Variants in NEO1 observed in about 807,000 individuals in gnomAD.
NEO1 encodes the protein neogenin.
NEO1 carries 63 observed loss-of-function variants against 159.7 expected under a neutral mutation model. The ratio of observed to expected loss-of-function variants is 0.39; its 90% CI spans 0.32 to 0.49. The LOEUF (loss-of-function observed/expected upper bound fraction) is 0.49, where lower values mean the gene tolerates loss of function less well. NEO1 is among the 20% of genes least tolerant of loss of function. The probability of loss-of-function intolerance (pLI) is 0.85; values close to 1 mark genes in which losing one functional copy is unlikely to be tolerated. For missense variants in NEO1, 1,615 were observed against 1,831.0 expected (o/e 0.88, Z 2.15); for synonymous variants, 633 against 662.0 (o/e 0.96, Z 0.67).
Position 73,236,224 on chromosome 15 carries a change from G to A in NEO1, c.1292-123G>A, listed in dbSNP as rs940090442. On this transcript the variant is annotated intron_variant, in intron 7 of 28. Coordinates refer to ENST00000261908, the MANE Select transcript of NEO1 (RefSeq NM_002499.4). ...TTCTTTTTTGTTTTTTGTTTTTTCT[G>A]TTCTCTTTTTTAAAACCGTCGTGGT... 6.0e-6 allele frequency: 8 copies of A among 1,324,008 alleles called. No homozygotes were observed. The African/African-American group carries it at 8.9e-5, about 15-fold the overall frequency. The allele number at this position is 1,324,008 out of a possible 1,614,324, so 82.0% of individuals were successfully genotyped here.
At chr15:73,179,471 C>T (rs2035475190) in intron 7 of NEO1, among the ~76,000 whole-genome samples, 1 of 152,162 alleles carries the variant, frequency 6.6e-6, no homozygotes, top group South Asian at 2.1e-4. Flanking sequence ...TCACTGGAGG[C>T]ATTCTGCTAC....
rs2040482602 is a variant in NEO1 at position 73,258,790 on chromosome 15, A to G, written c.2117A>G (p.Asn706Ser). The G allele has an allele frequency of 1.2e-6, 2 of 1,613,948 alleles. No individual in the cohort carries two copies. The highest frequency in any genetic ancestry group is 8.5e-7 in the Non-Finnish European group (1 of 1,179,910). The change falls in exon 14 of 29, where the codon AAT becomes AGT. Residue 706 changes from asparagine (N) to serine (S), a missense_variant. Around this residue, in one of 3 missense-constraint regions of NEO1, gnomAD observed 1,018 missense variants for 1,115.4 expected, o/e 0.91. Coordinates refer to ENST00000261908, the MANE Select transcript of NEO1 (RefSeq NM_002499.4). ...IEGLDRGTEY[N>S]FRVAALTING... ...GGTCTTGATCGGGGGACTGAGTATA[A>G]TTTCCGAGTGGCTGCTCTAACAATC...
chr15:73,215,996 T>G (rs2037856972), intron 7 of NEO1, among the ~76,000 whole-genome samples: 1 of 152,140 alleles, frequency 6.6e-6, no homozygotes. Flanking sequence ...GCTAGTTACA[T>G]ATGTATACAT....
chr15:73,225,373 T>C (rs2038521283), intron 7 of NEO1, among the ~76,000 whole-genome samples: 1 of 151,958 alleles, frequency 6.6e-6, no homozygotes, highest in African/African-American at 2.4e-5. Flanking sequence ...CTTCCAAGAT[T>C]ATATACCCTT....
intron 1 of NEO1, among the ~76,000 whole-genome samples, chr15:73,102,023 A>G (rs1440804850): frequency 6.6e-6 from 1 of 152,128 alleles, no homozygotes; most frequent in Non-Finnish European, 1.5e-5. Flanking sequence ...TCATCTAATA[A>G]CTCATTAGAA....
chr15:73,196,619 A>G (rs917571967), intron 7 of NEO1, among the ~76,000 whole-genome samples: 4 of 152,318 alleles, frequency 2.6e-5, no homozygotes, highest in African/African-American at 7.2e-5. Flanking sequence ...CTATTCATCA[A>G]CCATGCTCAT....
intron 22 of NEO1, among the ~76,000 whole-genome samples, chr15:73,280,796 C>T (rs1344575190): frequency 6.6e-6 from 1 of 151,972 alleles, no homozygotes; most frequent in African/African-American, 2.4e-5. Flanking sequence ...CTAAATCAGC[C>T]CCAGATTTAG....
chr15:73,078,673 A>G (rs746437694), intron 1 of NEO1, among the ~76,000 whole-genome samples: 4 of 152,204 alleles, frequency 2.6e-5, no homozygotes, highest in Non-Finnish European at 4.4e-5. Context: ...CTATTGAGTT[A>G]AGATACAGTT....
intron 18 of NEO1, among the ~76,000 whole-genome samples, chr15:73,271,906 CAAA>C (rs57979197): frequency 6.5e-5 from 6 of 92,518 alleles, no homozygotes; most frequent in African/African-American, 3.9e-5. Context: ...GACTCCATCT[CAAA>C]AAAAAAAAAA....
chr15:73,168,071 G>A (rs987820251), intron 5 of NEO1, among the ~76,000 whole-genome samples: 1 of 152,046 alleles, frequency 6.6e-6, no homozygotes, highest in African/African-American at 2.4e-5. Context: ...AATATGCATT[G>A]AGCACCTATT....
chr15:73,065,767 G>A (rs936118072), intron 1 of NEO1, among the ~76,000 whole-genome samples: 18 of 152,194 alleles, frequency 1.2e-4, no homozygotes, highest in African/African-American at 2.6e-4. Context: ...TCTTGGCTTG[G>A]CTGTTAATCC....
chr15:73,233,585 A>C, intron 7 of NEO1, among the ~76,000 whole-genome samples: 1 of 152,156 alleles, frequency 6.6e-6, no homozygotes, highest in South Asian at 2.1e-4. Flanking sequence ...TAAGGAGCTT[A>C]TAGATTCGTG....
At chr15:73,092,593 T>C (rs1306658280) in intron 1 of NEO1, among the ~76,000 whole-genome samples, 3 of 152,162 alleles carry the variant, frequency 2.0e-5, no homozygotes, top group Non-Finnish European at 2.9e-5. Context: ...AGTGTTCTTA[T>C]ATTTATATTT....
intron 4 of NEO1, among the ~76,000 whole-genome samples, chr15:73,132,756 A>G (rs943019806): frequency 2.6e-5 from 4 of 152,190 alleles, no homozygotes; most frequent in Non-Finnish European, 4.4e-5. Flanking sequence ...AAGAAGATAT[A>G]CAAATGGCCA....
At chr15:73,093,988 C>G (rs980487971) in intron 1 of NEO1, among the ~76,000 whole-genome samples, 1 of 152,132 alleles carries the variant, frequency 6.6e-6, no homozygotes, top group Non-Finnish European at 1.5e-5. Flanking sequence ...ACAACATGCT[C>G]CAGACTCATC....
intron 7 of NEO1, among the ~76,000 whole-genome samples, chr15:73,184,825 G>A (rs1425051072): frequency 6.6e-6 from 1 of 152,104 alleles, no homozygotes; most frequent in Admixed American, 6.5e-5. Context: ...CTACTCAGGA[G>A]GATGAAGCAT....
At chr15:73,241,860 AT>A (rs1471752247) in intron 8 of NEO1, among the ~76,000 whole-genome samples, 2 of 152,186 alleles carry the variant, frequency 1.3e-5, no homozygotes, top group Non-Finnish European at 2.9e-5. Flanking sequence ...TTCTATAGAA[AT>A]TTGATGTGGG....
At chr15:73,274,156 T>C (rs1430954426) in intron 20 of NEO1, 151 bp downstream of exon 20, 8 of 769,536 alleles carry the variant, frequency 1.0e-5, no homozygotes, top group Non-Finnish European at 1.6e-5. Flanking sequence ...CCCAGAATGA[T>C]TCCTCACCTA....
chr15:73,126,222 A>G (rs2030211883), intron 3 of NEO1, among the ~76,000 whole-genome samples, 195 bp from the exon 4 acceptor site: 1 of 152,156 alleles, frequency 6.6e-6, no homozygotes, highest in South Asian at 2.1e-4. Flanking sequence ...AGATTAAAGC[A>G]GTAAAGTGCT....
Sources: gnomAD v4.1 joint callset for allele counts (sites outside exome capture counted in the v4.1 genomes callset) on GRCh38, gnomAD v4.1.1 for gene constraint, gnomAD v4.1.1 regional missense constraint, MANE v1.5 for transcripts, NCBI Gene and HGNC (gene_info 2026-07-23, HGNC 2026-07-21) for gene names.